GUCY1A2: variants seen among roughly 807,000 people sequenced by gnomAD.
GUCY1A2 encodes the protein guanylate cyclase 1 soluble subunit alpha 2.
In GUCY1A2, 27 loss-of-function variants were observed where a neutral mutation model predicts 63.5. That is an observed-to-expected ratio of 0.43 (90% CI 0.31 to 0.59). The LOEUF (loss-of-function observed/expected upper bound fraction) is 0.59, where lower values mean the gene tolerates loss of function less well. GUCY1A2 is among the 20% of genes least tolerant of loss of function. GUCY1A2 has a pLI of 0.11. For missense variants in GUCY1A2, 768 were observed against 913.3 expected (o/e 0.84, Z 2.05); for synonymous variants, 364 against 343.5 (o/e 1.06, Z -0.66).
rs774389639 is a variant in GUCY1A2, at chr11:106,687,763, A to G, written c.1992-7T>C. ...TTCTTCTCGTTTTAATAATCTAAGA[A>G]GAAAATACAGAGCACATGAATCAAG... On this transcript the variant is annotated splice_polypyrimidine_tract_variant and splice_region_variant and intron_variant, in intron 7 of 7. Transcript: ENST00000526355. 1 of 1,571,290 alleles carries G rather than the reference A, an allele frequency of 6.4e-7. No homozygotes were observed. The highest frequency in any genetic ancestry group is 1.1e-5 in the South Asian group (1 of 90,204).
At chr11:106,948,475 C>T in intron 3 of GUCY1A2, among the ~76,000 whole-genome samples, 1 of 151,958 alleles carries the variant, frequency 6.6e-6, no homozygotes, top group Non-Finnish European at 1.5e-5. Context: ...AGATTCAAGT[C>T]TTAATAAGCA....
chr11:106,897,642 T>C (rs1410743889), intron 4 of GUCY1A2, among the ~76,000 whole-genome samples: 3 of 151,506 alleles, frequency 2.0e-5, no homozygotes, highest in Non-Finnish European at 4.4e-5. Context: ...CTAGAACAAC[T>C]GGACATCGAA....
intron 4 of GUCY1A2, among the ~76,000 whole-genome samples, chr11:106,895,987 C>T (rs147043139): frequency 0.019 from 2,816 of 147,116 alleles, 83 homozygotes; most frequent in African/African-American, 0.064. Context: ...CCAGCCTGGG[C>T]GACAGAGCAA....
chr11:106,975,028 C>A (rs1861244743), intron 3 of GUCY1A2, among the ~76,000 whole-genome samples: 1 of 152,256 alleles, frequency 6.6e-6, no homozygotes, highest in South Asian at 2.1e-4. Context: ...ACTCCCCCAT[C>A]TGGTAGCTCC....
intron 5 of GUCY1A2, among the ~76,000 whole-genome samples, chr11:106,800,301 T>C (rs991669283): frequency 6.6e-6 from 1 of 152,190 alleles, no homozygotes; most frequent in African/African-American, 2.4e-5. Context: ...GACTGTAAAC[T>C]AGTTCAACCA....
chr11:106,760,896 T>C (rs905643621), intron 6 of GUCY1A2, among the ~76,000 whole-genome samples: 1 of 152,150 alleles, frequency 6.6e-6, no homozygotes, highest in African/African-American at 2.4e-5. Flanking sequence ...AAAGAATTAA[T>C]AGTTTTAAAA....
chr11:106,877,055 A>C (rs770917645), intron 4 of GUCY1A2, among the ~76,000 whole-genome samples: 9 of 152,088 alleles, frequency 5.9e-5, no homozygotes, highest in Non-Finnish European at 8.8e-5. Context: ...AGATGCAGTA[A>C]AGGGCCGTAA....
At chr11:106,941,430 C>A (rs554362827) in intron 3 of GUCY1A2, among the ~76,000 whole-genome samples, 20 of 152,284 alleles carry the variant, frequency 1.3e-4, no homozygotes, top group African/African-American at 4.8e-4. Context: ...TTTTGGCCTG[C>A]ATATTAAAGA....
At chr11:106,993,579 G>A (rs890232848) in intron 1 of GUCY1A2, among the ~76,000 whole-genome samples, 1 of 151,898 alleles carries the variant, frequency 6.6e-6, no homozygotes, top group African/African-American at 2.4e-5. Flanking sequence ...TTTGAGTCAG[G>A]ACCTCTATAT....
At position 106,679,409 on chromosome 11, in the gene GUCY1A2, T is replaced by C. The variant is rs1433179671; in HGVS notation, c.*8140A>G. The C allele has an allele frequency of 5.1e-6, 1 of 195,074 alleles. No homozygotes were observed. Among genetic ancestry groups the C allele is most frequent in the African/African-American group, 2.3e-5 (1 of 43,112 alleles). 12.1% of individuals were successfully genotyped at this position (195,074 alleles called of 1,614,324 possible). On this transcript the variant is annotated 3_prime_UTR_variant, in exon 8 of 8. Coordinates refer to ENST00000526355, the MANE Select transcript of GUCY1A2 (RefSeq NM_000855.3). ...CTCTAAAGTTCCACACTTGTTTTGC[T>C]AGCAGCCAAACCCAATTTGAGAAGA...
chr11:106,820,520 T>A (rs1396958991), intron 4 of GUCY1A2, among the ~76,000 whole-genome samples: 1 of 152,172 alleles, frequency 6.6e-6, no homozygotes, highest in Non-Finnish European at 1.5e-5. Context: ...TGCCTCAGCC[T>A]CCTGAGTAGC....
intron 5 of GUCY1A2, among the ~76,000 whole-genome samples, chr11:106,792,516 CAT>C (rs1864682714): frequency 6.6e-6 from 1 of 151,868 alleles, no homozygotes; most frequent in Non-Finnish European, 1.5e-5. Context: ...ACAAAAACCA[CAT>C]GATTATCTCA....
At chr11:106,875,195 T>C (rs568230046) in intron 4 of GUCY1A2, among the ~76,000 whole-genome samples, 69 of 152,184 alleles carry the variant, frequency 4.5e-4, no homozygotes, top group Admixed American at 1.6e-3. Flanking sequence ...ACTCAGCAAA[T>C]TACCAGGAGG....
At chr11:106,985,613 T>C (rs956267787) in intron 2 of GUCY1A2, among the ~76,000 whole-genome samples, 1 of 152,172 alleles carries the variant, frequency 6.6e-6, no homozygotes, top group Non-Finnish European at 1.5e-5. Flanking sequence ...AAGAAATAGA[T>C]GATAATAAAG....
rs1234748591 is a variant in GUCY1A2 at position 106,781,739 on chromosome 11, T to TTTAA, written c.1693-5161_1693-5158dup. 2.0e-5 allele frequency among the ~76,000 whole-genome samples: 3 copies of TTTAA among 151,710 alleles called. 1 individual carries two copies. Among genetic ancestry groups the TTTAA allele is most frequent in the Admixed American group, 2.0e-4 (3 of 15,228 alleles). On this transcript the variant is annotated intron_variant, in intron 5 of 7. Coordinates refer to ENST00000526355, the MANE Select transcript of GUCY1A2 (RefSeq NM_000855.3). Reference sequence around the variant, plus strand: ...TCACCATGCCTGCCTTTTTTTTTTTTTTAATTTTTGTAGAGACAGGGTTTC... The same window carrying TTTAA: ...TCACCATGCCTGCCTTTTTTTTTTTTTTAATTAATTTTTGTAGAGACAGGGTTTC...
At chr11:106,914,714 T>C (rs118093724) in intron 4 of GUCY1A2, among the ~76,000 whole-genome samples, 1,883 of 151,814 alleles carry the variant, frequency 0.012, 25 homozygotes, top group South Asian at 0.046. Context: ...AGATAATATT[T>C]TAAAAATTGA....
chr11:106,753,816 T>G (rs1159143605), intron 6 of GUCY1A2, among the ~76,000 whole-genome samples: 1 of 152,192 alleles, frequency 6.6e-6, no homozygotes, highest in Non-Finnish European at 1.5e-5. Context: ...TCTTTTGGCT[T>G]AGGATTGACT....
chr11:106,944,496 C>T (rs563365836), intron 3 of GUCY1A2, among the ~76,000 whole-genome samples: 4 of 151,992 alleles, frequency 2.6e-5, no homozygotes, highest in Admixed American at 2.0e-4. Context: ...CACTGGGGAG[C>T]CATCTTTGGG....
chr11:107,014,021 TA>T (rs1861784162), intron 1 of GUCY1A2, among the ~76,000 whole-genome samples: 1 of 150,714 alleles, frequency 6.6e-6, no homozygotes, highest in Non-Finnish European at 1.5e-5. Flanking sequence ...GCCCCTATCT[TA>T]AAAAGTAAAC....
Sources: allele counts gnomAD v4.1 joint callset (sites outside exome capture counted in the v4.1 genomes callset), GRCh38; gene constraint gnomAD v4.1.1; transcripts MANE v1.5; gene names NCBI Gene and HGNC (gene_info 2026-07-23, HGNC 2026-07-21).